The following ANO1 variants were observed in gnomAD, a reference collection of about 807,000 sequenced individuals.
ANO1 encodes the protein anoctamin-1.
ANO1 carries 59 observed loss-of-function variants against 124.0 expected under a neutral mutation model. That is an observed-to-expected ratio of 0.48 (90% CI 0.39 to 0.59). ANO1 has a LOEUF of 0.59. ANO1 is among the 20% of genes least tolerant of loss of function. The pLI, the probability that ANO1 is intolerant of heterozygous loss-of-function variation, is 0.00. For synonymous variants in ANO1, 529 were observed against 532.0 expected (o/e 0.99, Z 0.08); for missense variants, 1,059 against 1,328.0 (o/e 0.80, Z 3.15).
intron 8 of ANO1, among the ~76,000 whole-genome samples, chr11:70,121,966 C>T (rs2046301484): frequency 6.7e-6 from 1 of 148,932 alleles, no homozygotes; most frequent in African/African-American, 2.5e-5. Flanking sequence ...ACCTCCCCAC[C>T]TCTCTCTGTC....
At chr11:70,114,645 T>C (rs2045909970) in intron 7 of ANO1, among the ~76,000 whole-genome samples, 1 of 152,194 alleles carries the variant, frequency 6.6e-6, no homozygotes, top group Admixed American at 6.5e-5. Flanking sequence ...ACGCCTGCAA[T>C]CACAGCACTT....
At chr11:70,022,465 G>A (rs1856825566) in intron 1 of ANO1, among the ~76,000 whole-genome samples, 1 of 152,086 alleles carries the variant, frequency 6.6e-6, no homozygotes, top group African/African-American at 2.4e-5. Context: ...CGGACGTGGT[G>A]GCAGGTGCCT....
chr11:70,182,401 G>A (rs2048960907), intron 23 of ANO1, 101 bp from the exon 24 acceptor site: 1 of 1,015,308 alleles, frequency 9.8e-7, no homozygotes, highest in South Asian at 2.2e-5. Context: ...AGTGGCATAT[G>A]GCCAGGGTCC....
At chr11:70,121,016 A>G (rs1011743560) in intron 8 of ANO1, among the ~76,000 whole-genome samples, 1 of 152,184 alleles carries the variant, frequency 6.6e-6, no homozygotes, top group East Asian at 1.9e-4. Flanking sequence ...GCCTCTTGGC[A>G]GAAAGAAAAG....
intron 1 of ANO1, among the ~76,000 whole-genome samples, chr11:70,058,848 G>A (rs1555007262): frequency 2.0e-5 from 3 of 152,104 alleles, no homozygotes; most frequent in East Asian, 1.9e-4. Context: ...ACTGAATACC[G>A]AGAGCCTGAG....
At chr11:70,113,217 C>T (rs2045858242) in intron 7 of ANO1, among the ~76,000 whole-genome samples, 2 of 151,010 alleles carry the variant, frequency 1.3e-5, no homozygotes, top group Admixed American at 6.6e-5. Context: ...CTTCTCTGGG[C>T]CTCAGATGGT....
At chr11:70,176,016 A>G (rs1023531834) in intron 22 of ANO1, among the ~76,000 whole-genome samples, 2 of 152,176 alleles carry the variant, frequency 1.3e-5, no homozygotes, top group African/African-American at 4.8e-5. Flanking sequence ...CATGGGCCCA[A>G]GGTGGCCGTG....
At chr11:70,148,072 T>C (rs2047450800) in intron 11 of ANO1, among the ~76,000 whole-genome samples, 1 of 152,166 alleles carries the variant, frequency 6.6e-6, no homozygotes, top group Non-Finnish European at 1.5e-5. Context: ...GGGAATGGGA[T>C]GTGTTATGCA....
chr11:70,126,640 C>T (rs975186178), intron 10 of ANO1, among the ~76,000 whole-genome samples: 9 of 150,316 alleles, frequency 6.0e-5, no homozygotes, highest in Non-Finnish European at 1.2e-4. Context: ...CTGGTGTTCG[C>T]GGGAGGTGAG....
intron 1 of ANO1, among the ~76,000 whole-genome samples, chr11:70,023,588 G>C (rs1263686181): frequency 2.0e-5 from 3 of 152,196 alleles, no homozygotes; most frequent in African/African-American, 7.2e-5. Flanking sequence ...CAACATCAGG[G>C]CTTAGGGAAG....
chr11:70,004,919 C>A (rs1856457465), intron 1 of ANO1, among the ~76,000 whole-genome samples: 1 of 152,088 alleles, frequency 6.6e-6, no homozygotes, highest in African/African-American at 2.4e-5. Flanking sequence ...TCGAGACCAG[C>A]CTGGCCAACA....
At chr11:70,152,357 A>AAAAAATT in intron 12 of ANO1, 93 bp from the exon 13 acceptor site, 1 of 922,372 alleles carries the variant, frequency 1.1e-6, no homozygotes, top group Non-Finnish European at 1.6e-6. Flanking sequence ...AAAAAAAAAA[A>AAAAAATT]GTTGTCCTTA....
intron 1 of ANO1, among the ~76,000 whole-genome samples, chr11:70,043,932 A>G (rs1472141851): frequency 6.6e-6 from 1 of 152,090 alleles, no homozygotes; most frequent in African/African-American, 2.4e-5. Context: ...TTAATATAAA[A>G]CGTTTTCTCA....
the ANO1 span, among the ~76,000 whole-genome samples, chr11:69,966,964 G>A: frequency 6.6e-6 from 1 of 152,264 alleles, no homozygotes; most frequent in African/African-American, 2.4e-5. Context: ...TGACCCTGCA[G>A]GGGGACAATT....
At chr11:70,047,437 G>C (rs139496611) in intron 1 of ANO1, among the ~76,000 whole-genome samples, 1 of 152,328 alleles carries the variant, frequency 6.6e-6, no homozygotes, top group East Asian at 1.9e-4. Context: ...TGATGAGAGA[G>C]AGAGCTAACA....
intron 1 of ANO1, among the ~76,000 whole-genome samples, chr11:70,003,832 C>G (rs1339885880): frequency 6.6e-6 from 1 of 152,134 alleles, no homozygotes; most frequent in East Asian, 1.9e-4. Flanking sequence ...AGAAATGACC[C>G]TAAGTAGGGA....
chr11:70,029,498 C>G (rs1038869617), intron 1 of ANO1, among the ~76,000 whole-genome samples: 2 of 152,194 alleles, frequency 1.3e-5, no homozygotes, highest in African/African-American at 4.8e-5. Flanking sequence ...GTCTCCACCC[C>G]CAGATGACCT....
At chr11:70,175,599 C>T (rs1423194886) in intron 22 of ANO1, among the ~76,000 whole-genome samples, 1 of 152,224 alleles carries the variant, frequency 6.6e-6, no homozygotes, top group Non-Finnish European at 1.5e-5. Context: ...GTTTCGACTT[C>T]CTGTTTTCTT....
At chr11:70,134,321 G>A (rs2046872247) in intron 11 of ANO1, among the ~76,000 whole-genome samples, 1 of 152,158 alleles carries the variant, frequency 6.6e-6, no homozygotes, top group Non-Finnish European at 1.5e-5. Flanking sequence ...CTGTAGCACT[G>A]AGCCCCCTGA....
Sources: allele counts gnomAD v4.1 joint callset (sites outside exome capture counted in the v4.1 genomes callset), GRCh38; gene constraint gnomAD v4.1.1; transcripts MANE v1.5; gene names NCBI Gene and HGNC (gene_info 2026-07-23, HGNC 2026-07-21).